Variants in SUGCT observed in about 807,000 individuals in gnomAD.
SUGCT encodes succinyl-CoA:glutarate CoA-transferase.
SUGCT carries 41 observed loss-of-function variants against 55.0 expected under a neutral mutation model. That is an observed-to-expected ratio of 0.74 (90% confidence interval 0.58 to 0.97). The LOEUF (loss-of-function observed/expected upper bound fraction) is 0.97, where lower values mean the gene tolerates loss of function less well. Ranked by LOEUF, SUGCT falls within the 50% of genes least tolerant of loss-of-function variation. SUGCT has a pLI of 0.00. For missense variants in SUGCT, 568 were observed against 547.8 expected, an observed-to-expected ratio of 1.04 and a Z score of -0.37; for synonymous variants, 187 against 200.4, an observed-to-expected ratio of 0.93 and a Z score of 0.56.
intron 7 of SUGCT, among the ~76,000 whole-genome samples, chr7:40,239,157 G>A (rs960077381): frequency 6.6e-6 from 1 of 151,916 alleles, no homozygotes; most frequent in Non-Finnish European, 1.5e-5. Flanking sequence ...AGCCTCCGTG[G>A]CACACTGCAG....
intron 12 of SUGCT, among the ~76,000 whole-genome samples, chr7:40,604,705 AG>A (rs1479218962): frequency 4.6e-5 from 7 of 152,114 alleles, no homozygotes; most frequent in African/African-American, 1.7e-4. Flanking sequence ...TAGCCAGTTT[AG>A]GGTGCTTTCT....
intron 12 of SUGCT, among the ~76,000 whole-genome samples, chr7:40,699,376 G>A (rs544623927): frequency 1.3e-5 from 2 of 152,216 alleles, no homozygotes; most frequent in African/African-American, 2.4e-5. Context: ...AGGTGGGGAC[G>A]TGAGAAGAAA....
At chr7:40,270,389 G>C (rs1196330853) in intron 7 of SUGCT, among the ~76,000 whole-genome samples, 4 of 151,890 alleles carry the variant, frequency 2.6e-5, no homozygotes, top group African/African-American at 9.7e-5. Flanking sequence ...TTATATAGTT[G>C]TAGCTCTTAA....
chr7:40,681,689 T>C (rs1401266876), intron 12 of SUGCT, among the ~76,000 whole-genome samples: 1 of 152,116 alleles, frequency 6.6e-6, no homozygotes, highest in East Asian at 1.9e-4. Context: ...ATGGACCATA[T>C]ACATTGGTTT....
chr7:40,727,511 A>C (rs1333649546), intron 12 of SUGCT, among the ~76,000 whole-genome samples: 4 of 152,192 alleles, frequency 2.6e-5, no homozygotes, highest in African/African-American at 9.7e-5. Context: ...ATGGAAGACT[A>C]TTCCACCTAA....
the SUGCT span, among the ~76,000 whole-genome samples, chr7:40,937,330 A>G: frequency 2.0e-5 from 3 of 152,046 alleles, no homozygotes; most frequent in Admixed American, 2.0e-4. Context: ...CACTATGCCC[A>G]GCAAATTTTT....
chr7:41,031,974 C>T, the SUGCT span, among the ~76,000 whole-genome samples: 1 of 151,738 alleles, frequency 6.6e-6, no homozygotes, highest in African/African-American at 2.4e-5. Context: ...AGCCCTGTGC[C>T]CAGTATCTAG....
At chr7:41,030,375 T>C in the SUGCT span, among the ~76,000 whole-genome samples, 3 of 152,220 alleles carry the variant, frequency 2.0e-5, no homozygotes, top group South Asian at 6.2e-4. Context: ...ATGGAAAGTC[T>C]GGCTTTCATC....
chr7:40,958,181 G>A, the SUGCT span, among the ~76,000 whole-genome samples: 1 of 152,032 alleles, frequency 6.6e-6, no homozygotes, highest in African/African-American at 2.4e-5. Flanking sequence ...GGTGTTCTCT[G>A]TATTTCCTGA....
At chr7:40,169,670 T>A (rs968361870) in intron 1 of SUGCT, among the ~76,000 whole-genome samples, 5 of 152,180 alleles carry the variant, frequency 3.3e-5, no homozygotes, top group African/African-American at 9.7e-5. Flanking sequence ...AGGCATTTGA[T>A]TTGCCCAGCC....
chr7:40,931,886 T>C, the SUGCT span, among the ~76,000 whole-genome samples: 71,788 of 151,828 alleles, frequency 0.47, 17,329 homozygotes, highest in Admixed American at 0.55. Flanking sequence ...CCTGGATTCA[T>C]TGATTTTTTG....
chr7:40,630,101 G>A (rs765550557), intron 12 of SUGCT, among the ~76,000 whole-genome samples: 5 of 152,184 alleles, frequency 3.3e-5, no homozygotes, highest in African/African-American at 7.2e-5. Context: ...TCCTCAACCA[G>A]CCAGAGCGAT....
At chr7:40,993,356 G>A in the SUGCT span, among the ~76,000 whole-genome samples, 1 of 152,160 alleles carries the variant, frequency 6.6e-6, no homozygotes, top group African/African-American at 2.4e-5. Context: ...GGAGGTAAAG[G>A]AGATGCCCTG....
chr7:40,183,800 C>T (rs1360167770), intron 3 of SUGCT, among the ~76,000 whole-genome samples: 1 of 152,152 alleles, frequency 6.6e-6, no homozygotes, highest in Non-Finnish European at 1.5e-5. Flanking sequence ...ATTCTGTGTA[C>T]ACATTTCTCA....
intron 12 of SUGCT, among the ~76,000 whole-genome samples, chr7:40,635,364 A>T (rs1799979908): frequency 6.6e-6 from 1 of 152,190 alleles, no homozygotes; most frequent in South Asian, 2.1e-4. Flanking sequence ...TTGCAGAAAG[A>T]AAAAGTTGGA....
chr7:40,783,799 T>A (rs1019789464), intron 13 of SUGCT, among the ~76,000 whole-genome samples: 8 of 152,206 alleles, frequency 5.3e-5, no homozygotes, highest in Non-Finnish European at 1.2e-4. Context: ...TGCTCTCACC[T>A]CTAAACTTTA....
At chr7:40,594,633 T>A (rs1378046211) in intron 12 of SUGCT, among the ~76,000 whole-genome samples, 1 of 152,154 alleles carries the variant, frequency 6.6e-6, no homozygotes, top group African/African-American at 2.4e-5. Context: ...TACCATGAAC[T>A]TCTTCCAGGA....
chr7:40,161,048 C>G (rs1260585691), intron 1 of SUGCT, among the ~76,000 whole-genome samples: 1 of 152,134 alleles, frequency 6.6e-6, no homozygotes, highest in Non-Finnish European at 1.5e-5. Flanking sequence ...CTACCTCTGT[C>G]TTTGGAAGCA....
At chr7:40,495,514 G>A (rs1365470377) in intron 11 of SUGCT, among the ~76,000 whole-genome samples, 1 of 152,134 alleles carries the variant, frequency 6.6e-6, no homozygotes, top group African/African-American at 2.4e-5. Context: ...AACTAATTGT[G>A]TTGTGGTGTC....
Sources: gnomAD v4.1 joint callset for allele counts (sites outside exome capture counted in the v4.1 genomes callset) on GRCh38, gnomAD v4.1.1 for gene constraint, MANE v1.5 for transcripts, NCBI Gene and HGNC (gene_info 2026-07-23, HGNC 2026-07-21) for gene names.